TENM3: variants seen among roughly 807,000 people sequenced by gnomAD.
The protein encoded by TENM3 is teneurin transmembrane protein 3.
TENM3 carries 63 observed loss-of-function variants against 255.1 expected under a neutral mutation model. The ratio of observed to expected loss-of-function variants is 0.25; its 90% CI spans 0.20 to 0.30. The LOEUF is 0.30. Ranked by LOEUF, TENM3 falls within the 10% of genes least tolerant of loss-of-function variation. The pLI, the probability that TENM3 is intolerant of heterozygous loss-of-function variation, is 1.00. For missense variants in TENM3, 2,929 were observed against 3,461.1 expected, an observed-to-expected ratio of 0.85 and a Z score of 3.86; for synonymous variants, 1,306 against 1,322.3, an observed-to-expected ratio of 0.99 and a Z score of 0.27.
intron 3 of TENM3, among the ~76,000 whole-genome samples, chr4:182,476,366 A>G (rs1320227145): frequency 6.6e-6 from 1 of 152,218 alleles, no homozygotes; most frequent in Non-Finnish European, 1.5e-5. Context: ...TTTGGAGAGA[A>G]GAAAAACCTG....
At chr4:181,812,485 G>A in the TENM3 span, among the ~76,000 whole-genome samples, 1 of 152,168 alleles carries the variant, frequency 6.6e-6, no homozygotes, top group South Asian at 2.1e-4. Context: ...TCGACCCAAA[G>A]GGTCTTTTTA....
chr4:181,616,057 C>A, the TENM3 span, among the ~76,000 whole-genome samples: 3 of 151,610 alleles, frequency 2.0e-5, no homozygotes, highest in Non-Finnish European at 2.9e-5. Flanking sequence ...TTCCCCCCCA[C>A]ACTTTGGCAA....
intron 1 of TENM3, among the ~76,000 whole-genome samples, chr4:182,249,123 C>T: frequency 6.6e-6 from 1 of 152,178 alleles, no homozygotes; most frequent in East Asian, 1.9e-4. Flanking sequence ...TTGGCCAGAG[C>T]TGCATAGCTA....
rs61744080 is a variant in TENM3 at position 182,751,858 on chromosome 4, G to A, written c.3688G>A (p.Val1230Ile). Residue 1230 changes from valine (V) to isoleucine (I), a missense_variant, in exon 20 of 28, where the codon GTT (valine) becomes ATT (isoleucine). Around this residue, in one of 6 missense-constraint regions of TENM3, gnomAD observed 1,608 missense variants for 1,884.4 expected, o/e 0.85. Transcript: ENST00000511685. ...GGATCCAGTCACGGGAGATCTGTAC[G>A]TTTCTGACACAAACACCCGCAGAAT... The part of the protein sequence containing the change: ...ATDPVTGDLY[V>I]SDTNTRRIYR... 1.4e-3 allele frequency: 2,336 copies of A among 1,613,866 alleles called. 25 individuals are homozygous for A. The African/African-American group carries it at 0.025, about 17-fold the overall frequency.
At chr4:181,987,471 T>C in the TENM3 span, among the ~76,000 whole-genome samples, 4 of 152,158 alleles carry the variant, frequency 2.6e-5, no homozygotes, top group African/African-American at 9.6e-5. Context: ...CCAGTTTCTC[T>C]GGATGACAAT....
chr4:181,636,830 C>T, the TENM3 span, among the ~76,000 whole-genome samples: 3 of 152,162 alleles, frequency 2.0e-5, no homozygotes, highest in African/African-American at 7.2e-5. Flanking sequence ...TTTAGAGCCC[C>T]TGATGGCTTC....
At chr4:182,205,537 A>T (rs1319255233) in intron 1 of TENM3, among the ~76,000 whole-genome samples, 1 of 152,116 alleles carries the variant, frequency 6.6e-6, no homozygotes, top group Non-Finnish European at 1.5e-5. Flanking sequence ...GAGCGTTGCT[A>T]TGACTGATTT....
the TENM3 span, among the ~76,000 whole-genome samples, chr4:181,456,467 CT>C: frequency 6.6e-6 from 1 of 151,820 alleles, no homozygotes; most frequent in Admixed American, 6.6e-5. Context: ...ACTAAAACAA[CT>C]TTTGTCAAAA....
chr4:181,608,501 G>C, the TENM3 span, among the ~76,000 whole-genome samples: 2 of 151,676 alleles, frequency 1.3e-5, no homozygotes, highest in African/African-American at 4.9e-5. Context: ...GAGAGTAACT[G>C]TGTCATATGA....
At chr4:181,551,010 T>A in the TENM3 span, among the ~76,000 whole-genome samples, 1 of 152,178 alleles carries the variant, frequency 6.6e-6, no homozygotes, top group Non-Finnish European at 1.5e-5. Flanking sequence ...AGTTACTGGG[T>A]AAGGAACTCA....
chr4:182,133,011 G>A, the TENM3 span, among the ~76,000 whole-genome samples: 2 of 152,178 alleles, frequency 1.3e-5, no homozygotes, highest in African/African-American at 2.4e-5. Flanking sequence ...GAAAACATGC[G>A]TGTAGGCCAG....
the TENM3 span, among the ~76,000 whole-genome samples, chr4:182,100,796 C>T: frequency 5.1e-3 from 18 of 3,528 alleles, no homozygotes; most frequent in Non-Finnish European, 0.016. Context: ...CATATATATA[C>T]ACATATATAT....
chr4:182,541,175 A>G (rs1289047690), intron 3 of TENM3, among the ~76,000 whole-genome samples: 2 of 152,140 alleles, frequency 1.3e-5, no homozygotes, highest in Non-Finnish European at 2.9e-5. Flanking sequence ...TCTTACCTCT[A>G]TTTTGGTTTT....
chr4:181,997,225 G>A, the TENM3 span, among the ~76,000 whole-genome samples: 13 of 152,088 alleles, frequency 8.5e-5, no homozygotes, highest in Non-Finnish European at 1.6e-4. Context: ...GGTTTTATTG[G>A]TGTCAAGCCC....
chr4:182,648,627 T>C (rs1351971252), intron 5 of TENM3, among the ~76,000 whole-genome samples: 1 of 152,112 alleles, frequency 6.6e-6, no homozygotes, highest in Non-Finnish European at 1.5e-5. Context: ...TAGAAAAGTA[T>C]ATGGATCGCA....
chr4:182,679,256 C>T (rs1382281720), intron 7 of TENM3, among the ~76,000 whole-genome samples: 2 of 151,988 alleles, frequency 1.3e-5, no homozygotes, highest in African/African-American at 2.4e-5. Flanking sequence ...GCCGGGAGGG[C>T]ACTCAAAATA....
intron 3 of TENM3, among the ~76,000 whole-genome samples, chr4:182,389,688 A>G (rs1226601710): frequency 6.0e-5 from 1 of 16,764 alleles, no homozygotes; most frequent in African/African-American, 1.6e-4. Flanking sequence ...GCAGTAGATG[A>G]CTCTTTTTTT....
At chr4:182,328,629 G>C (rs2675524) in intron 2 of TENM3, among the ~76,000 whole-genome samples, 152,015 of 152,276 alleles carry the variant, frequency 1, 75,879 homozygotes, top group Middle Eastern at 1. Flanking sequence ...GGCAGTTTGA[G>C]AACGACAGGC....
chr4:182,198,718 G>C (rs1753986065), intron 1 of TENM3, among the ~76,000 whole-genome samples: 1 of 152,208 alleles, frequency 6.6e-6, no homozygotes. Flanking sequence ...ACTGTTTTCA[G>C]CTCCTGGCTC....
Sources: allele counts gnomAD v4.1 joint callset (sites outside exome capture counted in the v4.1 genomes callset), GRCh38; gene constraint gnomAD v4.1.1; regional missense constraint gnomAD v4.1.1; transcripts MANE v1.5; gene names NCBI Gene and HGNC (gene_info 2026-07-23, HGNC 2026-07-21).